Variants in TENM3 observed in about 807,000 individuals in gnomAD.
TENM3 encodes the protein teneurin-3.
A neutral mutation model predicts 255.1 loss-of-function variants in TENM3; 63 were observed. The ratio of observed to expected loss-of-function variants is 0.25; its 90% CI spans 0.20 to 0.30. The LOEUF is 0.30. TENM3 is among the 10% of genes least tolerant of loss of function. The pLI is 1.00. For missense variants in TENM3, 2,929 were observed against 3,461.1 expected, an observed-to-expected ratio of 0.85 and a Z score of 3.86; for synonymous variants, 1,306 against 1,322.3, an observed-to-expected ratio of 0.99 and a Z score of 0.27.
the TENM3 span, among the ~76,000 whole-genome samples, chr4:181,904,954 C>T: frequency 1.3e-5 from 2 of 152,156 alleles, no homozygotes; most frequent in Admixed American, 6.5e-5. Flanking sequence ...CCTGCACAAG[C>T]TCTCTTTGCC....
chr4:182,656,677 C>T (rs555902514), intron 6 of TENM3, among the ~76,000 whole-genome samples: 1 of 152,306 alleles, frequency 6.6e-6, no homozygotes, highest in African/African-American at 2.4e-5. Flanking sequence ...CTGTGAAAAG[C>T]ATAGTGAGAA....
chr4:182,293,009 A>T (rs1722976789), intron 1 of TENM3, among the ~76,000 whole-genome samples: 1 of 152,188 alleles, frequency 6.6e-6, no homozygotes, highest in African/African-American at 2.4e-5. Flanking sequence ...ATTGTCATGA[A>T]CACACTCTAG....
the TENM3 span, among the ~76,000 whole-genome samples, chr4:181,557,661 G>A: frequency 6.6e-6 from 1 of 151,062 alleles, no homozygotes; most frequent in African/African-American, 2.4e-5. Context: ...CTAGTCACTG[G>A]GACTACCGGT....
At chr4:181,956,666 A>G in the TENM3 span, among the ~76,000 whole-genome samples, 4 of 152,226 alleles carry the variant, frequency 2.6e-5, no homozygotes, top group Non-Finnish European at 4.4e-5. Flanking sequence ...CACAAATGCA[A>G]GGAAATCAAC....
intron 5 of TENM3, among the ~76,000 whole-genome samples, chr4:182,651,566 G>T (rs374040862): frequency 6.6e-6 from 1 of 152,060 alleles, no homozygotes; most frequent in South Asian, 2.1e-4. Context: ...GCGTGGCGGC[G>T]TGCGCCTGTA....
At chr4:182,163,739 G>T (rs1751512552) in intron 1 of TENM3, among the ~76,000 whole-genome samples, 1 of 152,152 alleles carries the variant, frequency 6.6e-6, no homozygotes, top group Non-Finnish European at 1.5e-5. Context: ...CTTTTCAGTT[G>T]TCCTTGAGTT....
At chr4:182,738,139 T>C (rs1761314793) in intron 17 of TENM3, among the ~76,000 whole-genome samples, 1 of 152,186 alleles carries the variant, frequency 6.6e-6, no homozygotes, top group Non-Finnish European at 1.5e-5. Flanking sequence ...TATTTTGTGC[T>C]GTGAACCCCT....
intron 7 of TENM3, among the ~76,000 whole-genome samples, chr4:182,678,182 G>A (rs1473987889): frequency 1.3e-5 from 2 of 152,008 alleles, no homozygotes; most frequent in African/African-American, 4.8e-5. Context: ...AACTACATTG[G>A]AAAGTCTTTT....
the TENM3 span, among the ~76,000 whole-genome samples, chr4:181,921,884 C>T: frequency 6.6e-6 from 1 of 152,086 alleles, no homozygotes; most frequent in Non-Finnish European, 1.5e-5. Context: ...TCATAGATAG[C>T]TCTTATTATT....
the TENM3 span, among the ~76,000 whole-genome samples, chr4:181,794,402 T>A: frequency 6.6e-6 from 1 of 152,176 alleles, no homozygotes; most frequent in African/African-American, 2.4e-5. Context: ...TTATTCATTC[T>A]GTGCAACTGA....
the TENM3 span, among the ~76,000 whole-genome samples, chr4:181,467,267 G>A: frequency 2.7e-5 from 4 of 149,664 alleles, no homozygotes; most frequent in Non-Finnish European, 5.9e-5. Context: ...GGTGGTAGCC[G>A]GGATTACAAG....
At chr4:181,551,781 T>C in the TENM3 span, among the ~76,000 whole-genome samples, 4 of 151,280 alleles carry the variant, frequency 2.6e-5, no homozygotes, top group Admixed American at 2.6e-4. Context: ...TTTGTTATTT[T>C]GTATTTTGCA....
At chr4:181,727,352 A>G in the TENM3 span, among the ~76,000 whole-genome samples, 6 of 152,162 alleles carry the variant, frequency 3.9e-5, no homozygotes, top group Non-Finnish European at 7.4e-5. Context: ...GCTGTCTATC[A>G]CTTTTATTGC....
At chr4:181,952,292 A>G in the TENM3 span, among the ~76,000 whole-genome samples, 295 of 152,302 alleles carry the variant, frequency 1.9e-3, no homozygotes, top group African/African-American at 6.7e-3. Flanking sequence ...TAAGAGCCTT[A>G]TCTGGAAATT....
the TENM3 span, among the ~76,000 whole-genome samples, chr4:182,018,668 T>C: frequency 6.6e-6 from 1 of 152,220 alleles, no homozygotes; most frequent in Non-Finnish European, 1.5e-5. Flanking sequence ...TCAGATTCCT[T>C]ACATGCTTTA....
the TENM3 span, among the ~76,000 whole-genome samples, chr4:181,719,163 G>C: frequency 1.3e-5 from 2 of 151,702 alleles, no homozygotes; most frequent in African/African-American, 4.8e-5. Flanking sequence ...CCGAGATCGC[G>C]CCACTGCAGT....
the TENM3 span, among the ~76,000 whole-genome samples, chr4:181,577,909 C>CT: frequency 2.6e-5 from 4 of 152,110 alleles, no homozygotes. Context: ...TTGTTTTTCT[C>CT]TTTTTCTACC....
At chr4:182,368,451 G>A (rs1168280072) in intron 3 of TENM3, among the ~76,000 whole-genome samples, 1 of 152,038 alleles carries the variant, frequency 6.6e-6, no homozygotes, top group African/African-American at 2.4e-5. Flanking sequence ...TTTTATTGTC[G>A]ACCTTTGCAT....
At chr4:182,089,904 G>T in the TENM3 span, among the ~76,000 whole-genome samples, 1 of 152,134 alleles carries the variant, frequency 6.6e-6, no homozygotes, top group Non-Finnish European at 1.5e-5. Flanking sequence ...TTGAGGAAAA[G>T]ACATAGTTTA....
Sources: allele counts gnomAD v4.1 joint callset (sites outside exome capture counted in the v4.1 genomes callset), GRCh38; gene constraint gnomAD v4.1.1; transcripts MANE v1.5; gene names NCBI Gene and HGNC (gene_info 2026-07-23, HGNC 2026-07-21).